The following LRRK2 variants were observed in gnomAD, a reference collection of about 807,000 sequenced individuals.
The protein encoded by LRRK2 is leucine rich repeat kinase 2.
A neutral mutation model predicts 302.6 loss-of-function variants in LRRK2; 203 were observed. The observed-to-expected ratio is 0.67, with a 90% CI of 0.60 to 0.75. LRRK2 has a LOEUF of 0.75. LRRK2 is among the 30% of genes least tolerant of loss of function. LRRK2 has a pLI of 0.00. For missense variants in LRRK2, 2,830 were observed against 2,951.0 expected (o/e 0.96, Z 0.95); for synonymous variants, 1,066 against 1,031.9 (o/e 1.03, Z -0.63).
At chr12:40,333,316 G>GT (rs1046652529) in intron 39 of LRRK2, among the ~76,000 whole-genome samples, 8 of 152,084 alleles carry the variant, frequency 5.3e-5, no homozygotes, top group African/African-American at 1.9e-4. Context: ...AATTCTCCAT[G>GT]TTTCAGTTTC....
intron 24 of LRRK2, among the ~76,000 whole-genome samples, chr12:40,298,823 ACATATAT>A (rs1944498492): frequency 8.3e-6 from 1 of 120,718 alleles, no homozygotes; most frequent in Non-Finnish European, 1.7e-5. Context: ...AATATATAAT[ACATATAT>A]TATATATATT....
intron 32 of LRRK2, 104 bp downstream of exon 32, chr12:40,314,277 A>T: frequency 3.3e-6 from 4 of 1,200,362 alleles, no homozygotes; most frequent in South Asian, 1.3e-5. Context: ...GAGAATATCC[A>T]TACGGTTCTT....
chr12:40,259,711 G>C (rs189554934), intron 13 of LRRK2, 107 bp downstream of exon 13: 8 of 1,395,074 alleles, frequency 5.7e-6, no homozygotes, highest in Non-Finnish European at 8.0e-6. Context: ...AGTTTCTGTC[G>C]ACTAAATGTA....
Position 40,337,631 on chromosome 12 carries a change from C to T in LRRK2, c.5948+2474C>T, listed in dbSNP as rs74528093. ...TTAGTCAATTCATTTATTTTTATGC[C>T]ACTCCTGCTGTCTTGGTTCAGTATG... On this transcript the variant is annotated intron_variant, in intron 40 of 50. Transcript: ENST00000298910. Among the ~76,000 whole-genome samples, 802 of 152,222 alleles carry T rather than the reference C, an allele frequency of 5.3e-3. 4 individuals are homozygous for T. The highest frequency in any genetic ancestry group is 6.8e-3 in the Non-Finnish European group (465 of 68,018).
At chr12:40,283,406 TTG>T (rs1943787169) in intron 18 of LRRK2, among the ~76,000 whole-genome samples, 1 of 152,226 alleles carries the variant, frequency 6.6e-6, no homozygotes, top group African/African-American at 2.4e-5. Context: ...TGACTGTCGT[TTG>T]TGTGTGGCAT....
chr12:40,332,158 A>G (rs1945730279), intron 39 of LRRK2, among the ~76,000 whole-genome samples: 1 of 152,196 alleles, frequency 6.6e-6, no homozygotes, highest in Admixed American at 6.5e-5. Flanking sequence ...CAAACTGATC[A>G]CTGTGGCCCT....
At chr12:40,269,398 T>C (rs941823027) in intron 14 of LRRK2, among the ~76,000 whole-genome samples, 5 of 152,110 alleles carry the variant, frequency 3.3e-5, no homozygotes, top group Admixed American at 2.0e-4. Flanking sequence ...AGGGAATAGC[T>C]GGTGAGACAT....
Position 40,278,187 on chromosome 12 carries a change from A to T in LRRK2, c.2167A>T (p.Ile723Phe). The change falls in exon 18 of 51, where the codon ATC becomes TTC. Residue 723 changes from isoleucine to phenylalanine, a missense_variant. Ile to Phe is a conservative substitution (Grantham distance 21). Around this residue, in one of 3 missense-constraint regions of LRRK2, gnomAD observed 2,121 missense variants for 2,148.0 expected, o/e 0.99. Transcript: ENST00000298910. ...LERACDQNNS[I>F]MVECLLLLGA... is the part of the protein sequence containing the mutation. Reference sequence around the variant, plus strand: ...GAGAGCGTGTGATCAGAATAACAGCATCATGGTTGAATGCTTGCTTCTATT... The same window carrying T: ...GAGAGCGTGTGATCAGAATAACAGCTTCATGGTTGAATGCTTGCTTCTATT... 6.2e-7 allele frequency: 1 copy of T among 1,614,132 alleles called. No homozygotes were observed.
At chr12:40,268,344 G>T (rs1420622917) in intron 14 of LRRK2, among the ~76,000 whole-genome samples, 2 of 152,128 alleles carry the variant, frequency 1.3e-5, no homozygotes. Context: ...AAACCTTGAA[G>T]CAAAATATAC....
chr12:40,273,581 A>G (rs1404646332), intron 14 of LRRK2, among the ~76,000 whole-genome samples: 1 of 152,186 alleles, frequency 6.6e-6, no homozygotes, highest in Non-Finnish European at 1.5e-5. Flanking sequence ...TTGGTCAAAG[A>G]CGTCTGGCTT....
At chr12:40,348,319 G>T (rs1340367780) in intron 42 of LRRK2, 90 bp from the exon 43 acceptor site, 2 of 853,490 alleles carry the variant, frequency 2.3e-6, no homozygotes, top group Non-Finnish European at 3.9e-6. Flanking sequence ...ATTTTTCTTT[G>T]CAATGTCTGG....
Position 40,315,201 on chromosome 12 carries a change from T to G in LRRK2, c.4739-11T>G. ...TTCCATGTTTCACTGTTTGATGACT[T>G]TTTACTACAGGAGTCCTTCTTCATT... is the stretch of plus-strand genomic sequence containing the variant. On this transcript the variant is annotated splice_polypyrimidine_tract_variant and intron_variant, in intron 32 of 50. Coordinates refer to ENST00000298910, the MANE Select transcript of LRRK2 (RefSeq NM_198578.4). 1 of 1,607,716 alleles carries G rather than the reference T, an allele frequency of 6.2e-7. No homozygotes were observed. Among genetic ancestry groups the G allele is most frequent in the Admixed American group, 1.7e-5 (1 of 59,924 alleles).
intron 39 of LRRK2, among the ~76,000 whole-genome samples, chr12:40,333,355 A>G (rs1945772306): frequency 1.3e-5 from 2 of 152,168 alleles, no homozygotes; most frequent in Non-Finnish European, 2.9e-5. Flanking sequence ...CCGCTACTCC[A>G]CATCTTTGAA....
At chr12:40,233,737 T>G (rs1460641792) in intron 3 of LRRK2, among the ~76,000 whole-genome samples, 1 of 152,202 alleles carries the variant, frequency 6.6e-6, no homozygotes, top group East Asian at 1.9e-4. Context: ...CAGGGAGTGT[T>G]TGGGAAACTC....
chr12:40,298,154 GTTACCAGAGGTGTGTAAGGCAGAAAT>G, intron 23 of LRRK2, 63 bp from the exon 24 acceptor site: 1 of 1,353,788 alleles, frequency 7.4e-7, no homozygotes, highest in South Asian at 1.2e-5. Flanking sequence ...GATGGTTCTA[GTTACCAGAGGTGTGTAAGGCAGAAAT>G]ATTAGCTAGA....
rs945194818 is a variant in LRRK2 at position 40,263,970 on chromosome 12, G to T, written c.1656+69G>T. ...ATATTAAATTTGGAGAACTAGGGGC[G>T]CTTTTTCAGTCTAAGTTTTCTGTTC... On this transcript the variant is annotated intron_variant, in intron 14 of 50. Coordinates refer to ENST00000298910, the MANE Select transcript of LRRK2 (RefSeq NM_198578.4). The T allele has an allele frequency of 6.4e-6, 7 of 1,101,482 alleles. No homozygotes were observed. The East Asian group carries it at 1.8e-4, about 28-fold the overall frequency. The allele number at this position is 1,101,482 out of a possible 1,614,324, so 68.2% of individuals were successfully genotyped here. A position where few individuals can be genotyped will look rare whatever the true frequency, so the allele number is the denominator to read the frequency against.
chr12:40,280,622 TAAAATAAAATAAAATA>T (rs1565707932), intron 18 of LRRK2, among the ~76,000 whole-genome samples: 3 of 5,804 alleles, frequency 5.2e-4, no homozygotes, highest in Non-Finnish European at 7.3e-4. Flanking sequence ...CAGACCCTGT[TAAAATAAAATAAAATA>T]AAATAAAATA....
At chr12:40,281,659 G>T (rs984389558) in intron 18 of LRRK2, among the ~76,000 whole-genome samples, 1 of 152,138 alleles carries the variant, frequency 6.6e-6, no homozygotes. Flanking sequence ...AGGATTTAAA[G>T]AAATTAATTC....
chr12:40,243,592 A>C lies in LRRK2; in HGVS notation c.749A>C (p.Tyr250Ser). 1 of 1,612,236 alleles carries C rather than the reference A, an allele frequency of 6.2e-7. No homozygotes were observed. Among genetic ancestry groups the C allele is most frequent in the East Asian group, 2.2e-5 (1 of 44,716 alleles). Residue 250 changes from tyrosine (Y) to serine (S), a missense_variant, in exon 7 of 51, where the codon TAT becomes TCT. Physicochemically the swap from Tyr to Ser is moderately radical, Grantham distance 144. Transcript: ENST00000298910. ...EVLMSGNVRC[Y>S]NIVVEAMKAF... is the part of the protein sequence containing the mutation. ...CTCATGAGTGGCAATGTCAGGTGTT[A>C]TAATATTGTGGTGGAAGCTATGAAA...
Sources: gnomAD v4.1 joint callset for allele counts (sites outside exome capture counted in the v4.1 genomes callset) on GRCh38, gnomAD v4.1.1 for gene constraint, gnomAD v4.1.1 regional missense constraint, MANE v1.5 for transcripts, NCBI Gene and HGNC (gene_info 2026-07-23, HGNC 2026-07-21) for gene names.